RUNX1T1: variants seen among roughly 807,000 people sequenced by gnomAD.
RUNX1T1 encodes the protein protein CBFA2T1.
A neutral mutation model predicts 62.8 loss-of-function variants in RUNX1T1; 4 were observed. That is an observed-to-expected ratio of 0.06 (90% CI 0.03 to 0.15). The LOEUF (loss-of-function observed/expected upper bound fraction) is 0.15. RUNX1T1 is among the 10% of genes least tolerant of loss of function. The pLI is 1.00. For missense variants in RUNX1T1, 508 were observed against 754.3 expected (o/e 0.67, Z 3.82); for synonymous variants, 291 against 286.0 (o/e 1.02, Z -0.18).
intron 1 of RUNX1T1, among the ~76,000 whole-genome samples, chr8:92,094,742 G>T (rs1837533211): frequency 6.6e-6 from 1 of 151,524 alleles, no homozygotes; most frequent in South Asian, 2.1e-4. Context: ...GCATGGTGCT[G>T]AGAAGGGTAG....
At chr8:92,008,292 G>T (rs1164456810) in intron 4 of RUNX1T1, among the ~76,000 whole-genome samples, 1 of 151,812 alleles carries the variant, frequency 6.6e-6, no homozygotes, top group Non-Finnish European at 1.5e-5. Flanking sequence ...GGGGGGAAGT[G>T]AAGACTGTTG....
intron 4 of RUNX1T1, among the ~76,000 whole-genome samples, chr8:92,007,152 AT>A (rs1430587806): frequency 6.6e-6 from 1 of 152,218 alleles, no homozygotes; most frequent in African/African-American, 2.4e-5. Context: ...CTATGTGAAC[AT>A]TTTTAAAGTT....
At chr8:91,962,886 G>A (rs1400466201) in intron 10 of RUNX1T1, among the ~76,000 whole-genome samples, 1 of 152,140 alleles carries the variant, frequency 6.6e-6, no homozygotes, top group Admixed American at 6.5e-5. Flanking sequence ...TTTGGCAGAG[G>A]CACGTTTTGG....
chr8:92,095,572 CAG>C (rs777789279), intron 1 of RUNX1T1: 384 of 1,446,744 alleles, frequency 2.7e-4, no homozygotes, highest in Admixed American at 4.5e-4. Flanking sequence ...GGAAAATAAA[CAG>C]AGGGTGCGTG....
Position 92,005,169 on chromosome 8 carries a change from G to T in RUNX1T1, c.606C>A (p.Ser202=), listed in dbSNP as rs1451737891. ...CGTTCACATCGAGAAGCAGCTCTGA[G>T]GAGTCAACAGGTGAGGTGGTGCTGG... Residue 202 remains serine (S), a synonymous_variant, in exon 5 of 11, where the codon TCC becomes TCA. Transcript: ENST00000396218. 3.7e-6 allele frequency: 6 copies of T among 1,613,812 alleles called. No homozygotes were observed. The Admixed American group carries it at 8.3e-5, about 22-fold the overall frequency.
At chr8:92,021,617 C>T (rs1165076849) in intron 1 of RUNX1T1, among the ~76,000 whole-genome samples, 1 of 152,100 alleles carries the variant, frequency 6.6e-6, no homozygotes, top group Non-Finnish European at 1.5e-5. Context: ...GTAGTGAGTT[C>T]TCAAGCAAGT....
At chr8:92,061,407 G>A (rs1832011514) in intron 1 of RUNX1T1, among the ~76,000 whole-genome samples, 1 of 152,114 alleles carries the variant, frequency 6.6e-6, no homozygotes, top group Admixed American at 6.6e-5. Context: ...CAAGATGAAA[G>A]CTTAAAGAGT....
At chr8:91,955,104 T>C (rs1809156963), downstream of RUNX1T1, 3 of 212,852 alleles carry the variant, frequency 1.4e-5, no homozygotes, top group East Asian at 2.1e-4. Context: ...GGGAGACACA[T>C]ACTTTTATAA....
At chr8:92,005,093 T>A in intron 5 of RUNX1T1, 23 bp downstream of exon 6, 1 of 1,578,334 alleles carries the variant, frequency 6.3e-7, no homozygotes. Flanking sequence ...TCATGGTTCA[T>A]CCAGGCTCCT....
At chr8:91,963,658 T>C (rs1296467863) in intron 10 of RUNX1T1, among the ~76,000 whole-genome samples, 2 of 152,194 alleles carry the variant, frequency 1.3e-5, no homozygotes, top group Non-Finnish European at 2.9e-5. Flanking sequence ...TTCTAAGCTT[T>C]CTACTGTTCA....
chr8:92,012,166 T>C (rs1170500551), intron 3 of RUNX1T1, among the ~76,000 whole-genome samples: 1 of 152,200 alleles, frequency 6.6e-6, no homozygotes, highest in African/African-American at 2.4e-5. Context: ...GAATAAACAA[T>C]AACTTCCTAT....
At chr8:91,960,192 G>A (rs889732255) in exon 11 of RUNX1T1, 2 of 1,557,514 alleles carry the variant, frequency 1.3e-6, no homozygotes, top group African/African-American at 1.4e-5. Context: ...ATGAGGAATT[G>A]GTTTCGCGTT....
chr8:92,094,929 A>G (rs1837565247), intron 1 of RUNX1T1: 3 of 858,860 alleles, frequency 3.5e-6, no homozygotes, highest in Admixed American at 2.6e-5. Context: ...CGTCCAGTCA[A>G]TAAATAATCT....
intron 1 of RUNX1T1, among the ~76,000 whole-genome samples, chr8:92,034,795 TATAC>T (rs906391575): frequency 3.1e-4 from 23 of 73,470 alleles, no homozygotes; most frequent in South Asian, 3.0e-3. Context: ...TATATACATA[TATAC>T]ACACACACAC....
At chr8:92,081,334 G>T (rs1835226537) in intron 1 of RUNX1T1, 9 of 652,830 alleles carry the variant, frequency 1.4e-5, no homozygotes, top group South Asian at 6.8e-5. Flanking sequence ...AATTAAATAT[G>T]AAATAAATGA....
intron 1 of RUNX1T1, among the ~76,000 whole-genome samples, chr8:92,027,291 G>A (rs1354210187): frequency 6.6e-6 from 1 of 152,128 alleles, no homozygotes; most frequent in East Asian, 1.9e-4. Flanking sequence ...TGGTTACTAT[G>A]TTAGAAAGCT....
chr8:92,003,394 G>C (rs1173588452), intron 5 of RUNX1T1: 3 of 456,142 alleles, frequency 6.6e-6, no homozygotes, highest in Admixed American at 4.7e-5. Context: ...GAAATACAGA[G>C]AAATGAATGA....
chr8:92,091,621 T>C (rs1249463528), intron 1 of RUNX1T1, among the ~76,000 whole-genome samples: 1 of 152,204 alleles, frequency 6.6e-6, no homozygotes, highest in Non-Finnish European at 1.5e-5. Flanking sequence ...ATAAACTTTT[T>C]GTACACTGAT....
chr8:92,069,340 G>A (rs1197280057), intron 2 of RUNX1T1, among the ~76,000 whole-genome samples: 1 of 151,866 alleles, frequency 6.6e-6, no homozygotes, highest in East Asian at 1.9e-4. Flanking sequence ...TCTAAAGAGT[G>A]TTCTTTTCAT....
Sources: allele counts gnomAD v4.1 joint callset (sites outside exome capture counted in the v4.1 genomes callset), GRCh38; gene constraint gnomAD v4.1.1; transcripts MANE v1.5; gene names NCBI Gene and HGNC (gene_info 2026-07-23, HGNC 2026-07-21).